CEP295: variants seen among roughly 807,000 people sequenced by gnomAD.
CEP295 encodes centrosomal protein 295, also known as centrosomal protein of 295 kDa.
A neutral mutation model predicts 291.6 loss-of-function variants in CEP295; 190 were observed. That is an observed-to-expected ratio of 0.65 (90% confidence interval 0.58 to 0.73). CEP295 has a LOEUF of 0.73. Ranked by LOEUF, CEP295 falls within the 30% of genes least tolerant of loss-of-function variation. CEP295 has a pLI of 0.00. For synonymous variants in CEP295, 993 were observed against 1,038.8 expected (o/e 0.96, Z 0.85); for missense variants, 2,863 against 2,949.4 (o/e 0.97, Z 0.68).
intron 12 of CEP295, among the ~76,000 whole-genome samples, chr11:93,692,677 C>CT (rs1333882335): frequency 2.0e-5 from 3 of 151,892 alleles, no homozygotes; most frequent in Admixed American, 6.6e-5. Flanking sequence ...CCAAGCTAAA[C>CT]TTTAACTTCT....
In CEP295 at chr11:93,729,516, G is replaced by T; in HGVS notation, c.7385G>T (p.Arg2462Met). Reference sequence around the variant, plus strand: ...TCAGAACTTTCCATAGAAAAACCAAGGACAGCATCTACAGGTAAGCCTTGG... The same window carrying T: ...TCAGAACTTTCCATAGAAAAACCAATGACAGCATCTACAGGTAAGCCTTGG... ...AVSELSIEKP[R>M]TASTETPRRL... Residue 2462 changes from arginine (R) to methionine (M), a missense_variant, in exon 26 of 30, where the codon AGG becomes ATG. Physicochemically the swap from Arg to Met is moderately conservative, Grantham distance 91. Around this residue, in one of 3 missense-constraint regions of CEP295, gnomAD observed 2,295 missense variants for 2,335.7 expected, o/e 0.98. Coordinates refer to ENST00000325212, the MANE Select transcript of CEP295 (RefSeq NM_033395.2). 1 of 1,551,686 alleles carries T rather than the reference G, an allele frequency of 6.4e-7. No individual in the cohort carries two copies. The highest frequency in any genetic ancestry group is 2.0e-5 in the Admixed American group (1 of 51,008).
chr11:93,688,216 C>G (rs1365004058), intron 10 of CEP295, among the ~76,000 whole-genome samples: 1 of 152,144 alleles, frequency 6.6e-6, no homozygotes, highest in Non-Finnish European at 1.5e-5. Context: ...AGGAAGGACT[C>G]TTTAAAGAAT....
At chr11:93,667,550 T>C in intron 2 of CEP295, 57 bp from the exon 3 acceptor site, 1 of 1,304,144 alleles carries the variant, frequency 7.7e-7, no homozygotes, top group Non-Finnish European at 1.0e-6. Flanking sequence ...AAATAGCTTT[T>C]CAAAAAAGTT....
chr11:93,708,677 G>T (rs555805917), intron 18 of CEP295, among the ~76,000 whole-genome samples: 2 of 152,262 alleles, frequency 1.3e-5, no homozygotes, highest in South Asian at 4.1e-4. Context: ...CTAGCAGCAG[G>T]ATTGCCGAAT....
intron 10 of CEP295, among the ~76,000 whole-genome samples, chr11:93,689,326 C>CACCA (rs1951402007): frequency 6.6e-6 from 1 of 152,146 alleles, no homozygotes; most frequent in Non-Finnish European, 1.5e-5. Context: ...ACACCCCCAC[C>CACCA]ACCACTACTC....
Position 93,666,746 on chromosome 11 carries a change from G to A in CEP295, c.39G>A (p.Leu13=). 4 of 1,547,502 alleles carry A rather than the reference G, an allele frequency of 2.6e-6. No individual in the cohort carries two copies. Among genetic ancestry groups the A allele is most frequent in the Non-Finnish European group, 3.5e-6 (4 of 1,143,922 alleles). Residue 13 remains leucine, a synonymous_variant, in exon 2 of 30, where the codon TTG becomes TTA. Transcript: ENST00000325212. The stretch of plus-strand genomic sequence containing the variant: ...TCGTGAATACTCACAAGCTGAGATT[G>A]AGTCCTAATGAGGAAGCCTTCATTT... ...RKVVNTHKLR[L]SPNEEAFILK...
chr11:93,668,763 A>G (rs771377723), intron 3 of CEP295, 45 bp from the exon 4 acceptor site: 149 of 1,344,140 alleles, frequency 1.1e-4, no homozygotes, highest in East Asian at 6.8e-4. Flanking sequence ...ACACATTTCT[A>G]TTATTCTTGT....
Position 93,684,076 on chromosome 11 carries a change from A to C in CEP295, c.1062A>C (p.Ala354=), listed in dbSNP as rs1951105167. 2 of 1,551,584 alleles carry C rather than the reference A, an allele frequency of 1.3e-6. No homozygotes were observed. Among genetic ancestry groups the C allele is most frequent in the African/African-American group, 1.4e-5 (1 of 73,056 alleles). Residue 354 remains alanine (A), a synonymous_variant, in exon 9 of 30, where the codon GCA becomes GCC. Transcript: ENST00000325212. ...CAATGGAACAAGAAAATTTGGGTGC[A>C]GCTGAAGACCTTCCAGTGACAGAAG... ...DLSMEQENLG[A]AEDLPVTEAE...
At position 93,720,926 on chromosome 11, in the gene CEP295, TGCATGTTTTC is replaced by T. The variant is rs557412733; in HGVS notation, c.5750-381_5750-372del. Reference sequence around the variant, plus strand: ...TGTTTTCTTTATTGTCTCTTTTATATGCATGTTTTCGCATCTTTAGGACCACACTGTGTTT... The same window carrying T: ...TGTTTTCTTTATTGTCTCTTTTATATGCATCTTTAGGACCACACTGTGTTT... On this transcript the variant is annotated intron_variant, in intron 18 of 29. Coordinates refer to ENST00000325212, the MANE Select transcript of CEP295 (RefSeq NM_033395.2). 3.2e-4 allele frequency among the ~76,000 whole-genome samples: 48 copies of T among 152,290 alleles called. No homozygotes were observed. In the South Asian group the frequency reaches 9.1e-3, roughly 29 times the overall value.
chr11:93,698,236 TTCAGTTGC>T lies in CEP295; in HGVS notation c.3326_3333del (p.Ser1109PhefsTer6). 6.4e-7 allele frequency: 1 copy of T among 1,551,832 alleles called. No homozygotes were observed. The highest frequency in any genetic ancestry group is 8.7e-7 in the Non-Finnish European group (1 of 1,147,002). On this transcript the variant is annotated frameshift_variant, in exon 15 of 30. Transcript: ENST00000325212. LOFTEE classifies it high-confidence loss of function. ...CATCCTCACCAGTGGTTGTTCAGCA[TTCAGTTGC>T]TTCACAAGCTTCTGCTAAAGCTGAG...
Position 93,725,677 on chromosome 11 carries a change from C to G in CEP295, c.6345C>G (p.His2115Gln). 1.3e-6 allele frequency: 2 copies of G among 1,545,658 alleles called. No individual in the cohort carries two copies. Among genetic ancestry groups the G allele is most frequent in the African/African-American group, 1.4e-5 (1 of 72,822 alleles). ...YQRSDSSSES[H>Q]CATGLSKSTV... ...GATCAGATTCTTCATCTGAAAGCCA[C>G]TGTGCTACTGGATTATCCAAAAGTA... The change falls in exon 23 of 30, where the codon CAC (histidine) becomes CAG (glutamine). Residue 2115 changes from histidine to glutamine, a missense_variant. Physicochemically the swap from His to Gln is conservative, Grantham distance 24. Transcript: ENST00000325212.
chr11:93,724,521 C>T (rs925465345), intron 22 of CEP295, 146 bp downstream of exon 22: 3 of 806,956 alleles, frequency 3.7e-6, no homozygotes, highest in Admixed American at 5.8e-5. Flanking sequence ...AATCCCAGCA[C>T]TTTGAGAGCC....
chr11:93,670,563 T>A (rs554850893), intron 5 of CEP295, among the ~76,000 whole-genome samples: 1 of 152,292 alleles, frequency 6.6e-6, no homozygotes, highest in African/African-American at 2.4e-5. Flanking sequence ...TACATACAAG[T>A]ATATTCTGTA....
intron 20 of CEP295, among the ~76,000 whole-genome samples, 172 bp downstream of exon 20, chr11:93,722,222 A>C (rs1300967556): frequency 1.3e-5 from 2 of 152,142 alleles, no homozygotes; most frequent in Non-Finnish European, 2.9e-5. Flanking sequence ...TAATCCCAGC[A>C]CCTTGAGGTG....
At chr11:93,690,685 G>A (rs1023483186) in intron 10 of CEP295, among the ~76,000 whole-genome samples, 7 of 134,088 alleles carry the variant, frequency 5.2e-5, no homozygotes, top group Non-Finnish European at 9.1e-5. Context: ...AGCTGAGATC[G>A]CACCACTGCA....
intron 2 of CEP295, 49 bp from the exon 3 acceptor site, chr11:93,667,558 G>C: frequency 7.2e-7 from 1 of 1,388,948 alleles, no homozygotes; most frequent in Non-Finnish European, 9.6e-7. Context: ...TTTCAAAAAA[G>C]TTTAAGTAAA....
rs181406348 is a variant in CEP295, at chr11:93,701,482, G to A, written c.5275-978G>A. 2.1e-3 allele frequency among the ~76,000 whole-genome samples: 317 copies of A among 152,330 alleles called. 2 individuals carry two copies. The highest frequency in any genetic ancestry group is 2.0e-3 in the Admixed American group (30 of 15,304). On this transcript the variant is annotated intron_variant, in intron 15 of 29. Coordinates refer to ENST00000325212, the MANE Select transcript of CEP295 (RefSeq NM_033395.2). ...TGGGTTCAGGAAGAGTTAACGTCAAGAGATTTACTGGTCATTTAAAGGAAA... is the reference window on the plus strand; with the variant it reads ...TGGGTTCAGGAAGAGTTAACGTCAAAAGATTTACTGGTCATTTAAAGGAAA...
At chr11:93,687,041 A>G (rs891571421) in intron 9 of CEP295, among the ~76,000 whole-genome samples, 5 of 152,344 alleles carry the variant, frequency 3.3e-5, no homozygotes, top group East Asian at 3.9e-4. Context: ...GCATTAAACT[A>G]TCAGCCCACA....
At position 93,728,695 on chromosome 11, in the gene CEP295, C is replaced by T. The variant is rs1937783569; in HGVS notation, c.7176C>T (p.Gly2392=). 2 of 1,538,280 alleles carry T rather than the reference C, an allele frequency of 1.3e-6. No individual in the cohort carries two copies. Among genetic ancestry groups the T allele is most frequent in the South Asian group, 1.2e-5 (1 of 81,022 alleles). Residue 2392 remains glycine, a synonymous_variant, in exon 25 of 30, where the codon GGC becomes GGT. Coordinates refer to ENST00000325212, the MANE Select transcript of CEP295 (RefSeq NM_033395.2). The stretch of plus-strand genomic sequence containing the variant: ...GTGGTTCACAGGAAACAGAAACTGG[C>T]CATGGTATAATGGAAGAACCAGAAC... ...SSIPVWETET[G]HGIMEEPELT... is the part of the protein sequence containing the mutation.
Sources: gnomAD v4.1 joint callset for allele counts (sites outside exome capture counted in the v4.1 genomes callset) on GRCh38, gnomAD v4.1.1 for gene constraint, gnomAD v4.1.1 regional missense constraint, MANE v1.5 for transcripts, NCBI Gene and HGNC (gene_info 2026-07-23, HGNC 2026-07-21) for gene names.